Variants in RTN4IP1 observed in about 807,000 individuals in gnomAD.
RTN4IP1 encodes reticulon 4 interacting protein 1.
A neutral mutation model predicts 46.6 loss-of-function variants in RTN4IP1; 32 were observed. The observed-to-expected ratio is 0.69, with a 90% CI of 0.52 to 0.92. The LOEUF (loss-of-function observed/expected upper bound fraction) is 0.92. Among genes scored for constraint, RTN4IP1 ranks in the 40% least tolerant of loss-of-function variants. The pLI, the probability that RTN4IP1 is intolerant of heterozygous loss-of-function variation, is 0.00. For synonymous variants in RTN4IP1, 167 were observed against 161.8 expected (o/e 1.03, Z -0.24); for missense variants, 424 against 485.8 (o/e 0.87, Z 1.20).
rs769807848 is a variant in RTN4IP1, at chr6:106,628,950, A to T, written c.72T>A (p.Val24=). The change falls in exon 1 of 9, where the codon GTT becomes GTA. Residue 24 remains valine (V), a synonymous_variant. Coordinates refer to ENST00000369063, the MANE Select transcript of RTN4IP1 (RefSeq NM_032730.5). The part of the protein sequence containing the change: ...CTAVCFWRSK[V]VQKPSVRRIS... ...TCCTTCTAACTGAAGGCTTTTGGAC[A>T]ACTTTGCTTCTCCAGAAGCAAACCG... 3 of 1,614,034 alleles carry T rather than the reference A, an allele frequency of 1.9e-6. No individual in the cohort carries two copies. In the African/African-American group the frequency reaches 4.0e-5, roughly 22 times the overall value.
In RTN4IP1 at chr6:106,581,116, T is replaced by C. The variant is rs183682195; in HGVS notation, c.1083+2212A>G. On this transcript the variant is annotated intron_variant, in intron 8 of 8. Transcript: ENST00000369063. ...TGGAATACCCAAGAAACTAGTAATA[T>C]TGGTTGCATCTGACAAGCAGAATCT... is the stretch of plus-strand genomic sequence containing the variant. Among the ~76,000 whole-genome samples the C allele has an allele frequency of 1.7e-3, 264 of 152,258 alleles. 2 individuals are homozygous for C. Among genetic ancestry groups the C allele is most frequent in the Non-Finnish European group, 7.9e-4 (54 of 68,030 alleles).
chr6:106,605,427 A>C (rs1776041136), intron 4 of RTN4IP1, among the ~76,000 whole-genome samples: 1 of 150,308 alleles, frequency 6.7e-6, no homozygotes, highest in Non-Finnish European at 1.5e-5. Context: ...CCTGTCTCAA[A>C]AAAAAAAAAA....
In RTN4IP1 at chr6:106,592,318, G is replaced by GA. The variant is rs749019278; in HGVS notation, c.670-19dup. Reference sequence around the variant, plus strand: ...TTCATTACCTGCCCCCCACCAAAAAGAAAAAAAGAATAAAAAAGGGAGAGA... The same window carrying GA: ...TTCATTACCTGCCCCCCACCAAAAAGAAAAAAAAGAATAAAAAAGGGAGAGA... On this transcript the variant is annotated intron_variant, in intron 5 of 8. Coordinates refer to ENST00000369063, the MANE Select transcript of RTN4IP1 (RefSeq NM_032730.5). 3.2e-6 allele frequency: 5 copies of GA among 1,576,868 alleles called. No homozygotes were observed. In the African/African-American group the frequency reaches 4.2e-5, roughly 13 times the overall value.
intron 6 of RTN4IP1, among the ~76,000 whole-genome samples, chr6:106,590,203 C>T (rs1206197498): frequency 6.6e-6 from 1 of 151,890 alleles, no homozygotes; most frequent in East Asian, 1.9e-4. Flanking sequence ...GCCTGTAATC[C>T]CAGCTACTCA....
intron 8 of RTN4IP1, among the ~76,000 whole-genome samples, chr6:106,577,367 C>T (rs4440506): frequency 6.9e-6 from 1 of 145,418 alleles, no homozygotes; most frequent in African/African-American, 2.5e-5. Context: ...AGGATCACTT[C>T]AGCCCAGGAG....
chr6:106,618,646 C>T (rs1776407734), intron 4 of RTN4IP1, among the ~76,000 whole-genome samples: 1 of 152,178 alleles, frequency 6.6e-6, no homozygotes, highest in Admixed American at 6.5e-5. Context: ...CACCATGTTG[C>T]TGCTAACCCA....
chr6:106,595,659 G>C (rs1004128067), intron 5 of RTN4IP1, among the ~76,000 whole-genome samples: 1 of 151,800 alleles, frequency 6.6e-6, no homozygotes, highest in African/African-American at 2.4e-5. Flanking sequence ...CACCACGCCC[G>C]GCTAATTCTT....
intron 7 of RTN4IP1, among the ~76,000 whole-genome samples, chr6:106,584,199 A>G (rs1382463957): frequency 6.6e-6 from 1 of 152,218 alleles, no homozygotes; most frequent in African/African-American, 2.4e-5. Flanking sequence ...TCAGCCTCCC[A>G]AAGTGCTAGG....
At chr6:106,610,370 T>A (rs1776195816) in intron 4 of RTN4IP1, among the ~76,000 whole-genome samples, 1 of 151,970 alleles carries the variant, frequency 6.6e-6, no homozygotes, top group South Asian at 2.1e-4. Context: ...GGCGGCAAAA[T>A]AAATTTTCAA....
intron 4 of RTN4IP1, among the ~76,000 whole-genome samples, chr6:106,610,284 G>A (rs1371075655): frequency 6.6e-6 from 1 of 151,958 alleles, no homozygotes; most frequent in Non-Finnish European, 1.5e-5. Context: ...GGCTGGTCTC[G>A]AACTCCTGAC....
Position 106,623,149 on chromosome 6 carries a change from ACT to A in RTN4IP1, c.275-182_275-181del, listed in dbSNP as rs141990429. On this transcript the variant is annotated intron_variant, in intron 1 of 8. Transcript: ENST00000369063. Reference sequence around the variant, plus strand: ...ACTATTCACAACAGCAAAGACATGGACTCAACCTAACTACCCATCAATGATAG... The same window carrying A: ...ACTATTCACAACAGCAAAGACATGGACAACCTAACTACCCATCAATGATAG... Among the ~76,000 whole-genome samples, 11,855 of 152,210 alleles carry A rather than the reference ACT, an allele frequency of 0.078. 560 individuals are homozygous for A. Among genetic ancestry groups the A allele is most frequent in the East Asian group, 0.11 (578 of 5,170 alleles).
At chr6:106,622,266 G>A (rs528865535) in intron 2 of RTN4IP1, among the ~76,000 whole-genome samples, 1 of 152,290 alleles carries the variant, frequency 6.6e-6, no homozygotes, top group Non-Finnish European at 1.5e-5. Context: ...AATGAAATTT[G>A]CACATTTAGT....
chr6:106,616,520 A>G (rs950628686), intron 4 of RTN4IP1, among the ~76,000 whole-genome samples: 1 of 152,198 alleles, frequency 6.6e-6, no homozygotes, highest in Non-Finnish European at 1.5e-5. Context: ...CATCTTTGAT[A>G]ACAAATACTG....
At chr6:106,595,495 T>A (rs986124233) in intron 5 of RTN4IP1, among the ~76,000 whole-genome samples, 3 of 114,270 alleles carry the variant, frequency 2.6e-5, no homozygotes, top group Non-Finnish European at 5.5e-5. Flanking sequence ...TGGAATACTT[T>A]CTTTCTTTTT....
At chr6:106,613,950 CCCTCTTCAAGAGGTCTCACCCTTCAAGAT>C in intron 4 of RTN4IP1, among the ~76,000 whole-genome samples, 1 of 152,246 alleles carries the variant, frequency 6.6e-6, no homozygotes, top group Non-Finnish European at 1.5e-5. Flanking sequence ...GGAAGCCCAC[CCCTCTTCAAGAGGTCTCACCCTTCAAGAT>C]CAGACCAATG....
In RTN4IP1 at chr6:106,612,384, CAAAAAAAAAAAAAAAAA is replaced by C. The variant is rs1180927898; in HGVS notation, c.620+6801_620+6817del. Among the ~76,000 whole-genome samples the C allele has an allele frequency of 8.7e-3, 164 of 18,926 alleles. 2 individuals are homozygous for C. The highest frequency in any genetic ancestry group is 0.032 in the African/African-American group (154 of 4,842). 12.4% of individuals were successfully genotyped at this position (18,926 alleles called of 152,430 possible). The stretch of plus-strand genomic sequence containing the variant: ...CCTGGGCGACAGAGCAAGACTCCGT[CAAAAAAAAAAAAAAAAA>C]AAAAAAAAAAAGCTTGTGATGGGTG... On this transcript the variant is annotated intron_variant, in intron 4 of 8. Transcript: ENST00000369063.
chr6:106,602,185 C>T (rs887707358), intron 5 of RTN4IP1, among the ~76,000 whole-genome samples: 1 of 152,078 alleles, frequency 6.6e-6, no homozygotes, highest in African/African-American at 2.4e-5. Flanking sequence ...TGTGAGTCCT[C>T]CAACTTTATT....
intron 4 of RTN4IP1, among the ~76,000 whole-genome samples, chr6:106,609,294 G>C (rs756396717): frequency 6.6e-6 from 1 of 152,226 alleles, no homozygotes; most frequent in Non-Finnish European, 1.5e-5. Context: ...GGTGGCTTAC[G>C]CCTGTAATCC....
chr6:106,600,595 C>G (rs1236032416), intron 5 of RTN4IP1, among the ~76,000 whole-genome samples: 1 of 151,902 alleles, frequency 6.6e-6, no homozygotes, highest in African/African-American at 2.4e-5. Flanking sequence ...CTACCCCCAG[C>G]CCCTGACAAC....
Sources: allele counts gnomAD v4.1 joint callset (sites outside exome capture counted in the v4.1 genomes callset), GRCh38; gene constraint gnomAD v4.1.1; transcripts MANE v1.5; gene names NCBI Gene and HGNC (gene_info 2026-07-23, HGNC 2026-07-21).